Variants in TNRC6A observed in about 807,000 individuals in gnomAD.
The protein encoded by TNRC6A is trinucleotide repeat-containing gene 6A protein.
A neutral mutation model predicts 221.2 loss-of-function variants in TNRC6A; 44 were observed. The observed-to-expected ratio is 0.20, with a 90% CI of 0.16 to 0.26. The LOEUF (loss-of-function observed/expected upper bound fraction) is 0.26, where lower values mean the gene tolerates loss of function less well. Among genes scored for constraint, TNRC6A ranks in the 10% least tolerant of loss-of-function variants. TNRC6A has a pLI of 1.00. For synonymous variants in TNRC6A, 847 were observed against 838.5 expected (o/e 1.01, Z -0.18); for missense variants, 2,199 against 2,404.4 (o/e 0.91, Z 1.79).
chr16:24,720,513 AC>A, intron 2 of TNRC6A, among the ~76,000 whole-genome samples: 1 of 150,154 alleles, frequency 6.7e-6, no homozygotes. Context: ...ACATGGTGAA[AC>A]CCCGTCTCTA....
At chr16:24,650,668 A>C (rs1902593127) in intron 2 of TNRC6A, among the ~76,000 whole-genome samples, 1 of 151,988 alleles carries the variant, frequency 6.6e-6, no homozygotes, top group South Asian at 2.1e-4. Flanking sequence ...CTGACTCAAA[A>C]AAAAAAAAAG....
At chr16:24,786,854 TG>T (rs2057983431) in intron 5 of TNRC6A, among the ~76,000 whole-genome samples, 1 of 152,174 alleles carries the variant, frequency 6.6e-6, no homozygotes, top group Admixed American at 6.5e-5. Context: ...GCTCATTTTT[TG>T]TATTTTTAGT....
At chr16:24,767,906 A>G (rs981515665) in intron 4 of TNRC6A, among the ~76,000 whole-genome samples, 1 of 152,176 alleles carries the variant, frequency 6.6e-6, no homozygotes, top group African/African-American at 2.4e-5. Flanking sequence ...ATGGAAGCTG[A>G]AGCTCTCTAG....
intron 5 of TNRC6A, among the ~76,000 whole-genome samples, chr16:24,777,613 G>C (rs962467109): frequency 6.6e-6 from 1 of 152,152 alleles, no homozygotes; most frequent in Non-Finnish European, 1.5e-5. Context: ...TATAGCTAAA[G>C]TTGACTATAA....
chr16:24,721,017 C>T (rs1596545255), intron 2 of TNRC6A, among the ~76,000 whole-genome samples: 1 of 151,946 alleles, frequency 6.6e-6, no homozygotes, highest in South Asian at 2.1e-4. Context: ...ATCATGCCAC[C>T]GCACCCTAGC....
At chr16:24,652,372 T>C (rs1902720885) in intron 2 of TNRC6A, among the ~76,000 whole-genome samples, 3 of 152,194 alleles carry the variant, frequency 2.0e-5, no homozygotes, top group Non-Finnish European at 2.9e-5. Context: ...AAAAAGAAGA[T>C]ACAGAAATTA....
chr16:24,636,200 T>C (rs763465416), intron 1 of TNRC6A, among the ~76,000 whole-genome samples: 1 of 152,220 alleles, frequency 6.6e-6, no homozygotes, highest in Non-Finnish European at 1.5e-5. Flanking sequence ...TCAGCATTTA[T>C]TAGTAACATT....
chr16:24,761,834 A>T (rs950057077), intron 4 of TNRC6A, among the ~76,000 whole-genome samples: 2 of 152,138 alleles, frequency 1.3e-5, no homozygotes, highest in African/African-American at 4.8e-5. Context: ...GCTGGCTGAC[A>T]TTGGGTTTTT....
At chr16:24,798,081 A>G (rs1218239325) in intron 11 of TNRC6A, 115 bp downstream of exon 11, 3 of 778,784 alleles carry the variant, frequency 3.9e-6, no homozygotes, top group African/African-American at 3.5e-5. Context: ...GTGCTCTCCA[A>G]TAGACGTACA....
At chr16:24,720,293 T>G (rs557356905) in intron 2 of TNRC6A, among the ~76,000 whole-genome samples, 2 of 152,242 alleles carry the variant, frequency 1.3e-5, no homozygotes, top group African/African-American at 4.8e-5. Flanking sequence ...TCCCAGCTAC[T>G]CAGGAGGCTG....
chr16:24,793,411 C>T (rs1240274933), intron 6 of TNRC6A, 62 bp from the exon 7 acceptor site: 5 of 1,282,492 alleles, frequency 3.9e-6, no homozygotes, highest in Middle Eastern at 2.6e-4. Flanking sequence ...TTTATTGTCC[C>T]TTATTCCACT....
chr16:24,710,968 C>T (rs933428743), intron 2 of TNRC6A, among the ~76,000 whole-genome samples: 4 of 151,912 alleles, frequency 2.6e-5, no homozygotes, highest in Non-Finnish European at 5.9e-5. Context: ...CTCCACCTCC[C>T]GGGTTCAAGG....
At chr16:24,804,062 T>C (rs779442383) in intron 11 of TNRC6A, 115 bp from the exon 12 acceptor site, 103 of 1,107,040 alleles carry the variant, frequency 9.3e-5, no homozygotes, top group Non-Finnish European at 1.3e-4. Context: ...CACATACCCT[T>C]GTCTTGGCTG....
intron 10 of TNRC6A, 63 bp from the exon 11 acceptor site, chr16:24,797,852 A>G: frequency 6.9e-7 from 1 of 1,448,306 alleles, no homozygotes. Context: ...AAAATTCTTC[A>G]TTTTTTATTT....
At chr16:24,776,093 G>A (rs1265637085) in intron 4 of TNRC6A, among the ~76,000 whole-genome samples, 1 of 152,098 alleles carries the variant, frequency 6.6e-6, no homozygotes, top group Non-Finnish European at 1.5e-5. Context: ...AAGACAGAAA[G>A]CTTGTAAAGG....
intron 2 of TNRC6A, among the ~76,000 whole-genome samples, chr16:24,702,085 ATTTTC>A (rs1188620362): frequency 2.3e-4 from 17 of 74,732 alleles, no homozygotes; most frequent in African/African-American, 8.0e-4. Context: ...TGTAAACTCT[ATTTTC>A]TTTTCTTTTC....
At chr16:24,665,434 A>C (rs760644853) in intron 2 of TNRC6A, among the ~76,000 whole-genome samples, 1 of 152,172 alleles carries the variant, frequency 6.6e-6, no homozygotes, top group Non-Finnish European at 1.5e-5. Context: ...GAATCAGGGC[A>C]GAGCATTAGG....
intron 4 of TNRC6A, among the ~76,000 whole-genome samples, chr16:24,765,834 G>A (rs1312627039): frequency 1.3e-5 from 2 of 152,074 alleles, no homozygotes; most frequent in Non-Finnish European, 1.5e-5. Flanking sequence ...TATTGTGAAA[G>A]GAAAATGATT....
intron 6 of TNRC6A, among the ~76,000 whole-genome samples, chr16:24,792,226 T>C (rs941564969): frequency 6.6e-6 from 1 of 152,256 alleles, no homozygotes; most frequent in African/African-American, 2.4e-5. Context: ...AGGGATTTTT[T>C]TTTTTAAGTA....
Sources: allele counts gnomAD v4.1 joint callset (sites outside exome capture counted in the v4.1 genomes callset), GRCh38; gene constraint gnomAD v4.1.1; transcripts MANE v1.5; gene names NCBI Gene and HGNC (gene_info 2026-07-23, HGNC 2026-07-21).